The following DLC1 variants were observed in gnomAD, a reference collection of about 807,000 sequenced individuals.
DLC1 encodes DLC1 Rho GTPase activating protein.
DLC1 carries 54 observed loss-of-function variants against 140.3 expected under a neutral mutation model. The ratio of observed to expected loss-of-function variants is 0.38; its 90% CI spans 0.31 to 0.48. The LOEUF (loss-of-function observed/expected upper bound fraction) is 0.48, where lower values mean the gene tolerates loss of function less well. Among genes scored for constraint, DLC1 ranks in the 20% least tolerant of loss-of-function variants. The pLI is 0.96. For synonymous variants in DLC1, 986 were observed against 728.1 expected (o/e 1.35, Z -5.70); for missense variants, 2,536 against 1,907.0 (o/e 1.33, Z -6.14).
chr8:13,383,087 T>C (rs550956086), intron 4 of DLC1, among the ~76,000 whole-genome samples: 1 of 152,292 alleles, frequency 6.6e-6, no homozygotes, highest in East Asian at 1.9e-4. Context: ...GAAAACAAGA[T>C]GAGAAATCAT....
chr8:13,121,622 C>G (rs1263111413), intron 5 of DLC1, among the ~76,000 whole-genome samples: 2 of 152,164 alleles, frequency 1.3e-5, no homozygotes, highest in Admixed American at 6.5e-5. Context: ...GATCACAGCT[C>G]TCTGTAGCCT....
At chr8:13,133,294 C>A (rs1822280950) in intron 5 of DLC1, 8 of 1,262,944 alleles carry the variant, frequency 6.3e-6, no homozygotes, top group South Asian at 2.0e-5. Flanking sequence ...CGAACTGTCT[C>A]CCGCGCGCTC....
intron 6 of DLC1, among the ~76,000 whole-genome samples, chr8:13,113,285 G>C (rs1328270409): frequency 6.6e-6 from 1 of 152,148 alleles, no homozygotes; most frequent in Non-Finnish European, 1.5e-5. Context: ...TTAACAGGGG[G>C]ACATGTGTGG....
chr8:13,507,204 G>A (rs1280627123), intron 1 of DLC1, among the ~76,000 whole-genome samples: 1 of 152,106 alleles, frequency 6.6e-6, no homozygotes, highest in Non-Finnish European at 1.5e-5. Flanking sequence ...ACATTTGGGC[G>A]CCTTCCCACT....
chr8:13,364,026 G>A (rs1467828252), intron 4 of DLC1, among the ~76,000 whole-genome samples: 1 of 152,066 alleles, frequency 6.6e-6, no homozygotes, highest in Non-Finnish European at 1.5e-5. Context: ...GAGAGGTAGG[G>A]GTGTGTGTGT....
intron 4 of DLC1, among the ~76,000 whole-genome samples, chr8:13,365,602 A>C (rs1250596032): frequency 6.6e-6 from 1 of 152,160 alleles, no homozygotes; most frequent in Non-Finnish European, 1.5e-5. Flanking sequence ...TTAATGAAGC[A>C]CTTACAGCAC....
intron 5 of DLC1, among the ~76,000 whole-genome samples, chr8:13,169,526 C>T (rs1825317333): frequency 1.3e-5 from 2 of 152,082 alleles, no homozygotes; most frequent in Admixed American, 6.5e-5. Flanking sequence ...TAATAAAAAC[C>T]ACTATTGGTC....
chr8:13,094,602 G>T (rs999726027), intron 12 of DLC1, among the ~76,000 whole-genome samples, 157 bp downstream of exon 12: 1 of 152,056 alleles, frequency 6.6e-6, no homozygotes, highest in Admixed American at 6.5e-5. Flanking sequence ...GGAGGCAGAG[G>T]TTGCAGTGAG....
intron 1 of DLC1, among the ~76,000 whole-genome samples, chr8:13,543,178 T>G (rs1057322798): frequency 3.9e-5 from 6 of 152,168 alleles, no homozygotes; most frequent in African/African-American, 1.4e-4. Flanking sequence ...AATATTCAAT[T>G]TAAAATATTC....
intron 5 of DLC1, among the ~76,000 whole-genome samples, chr8:13,295,935 A>ATTAT (rs1456240068): frequency 1.2e-5 from 1 of 85,638 alleles, no homozygotes; most frequent in African/African-American, 4.3e-5. Flanking sequence ...ATCAGATAAG[A>ATTAT]TTCTTTGTTT....
chr8:13,213,787 GT>G (rs1335702480), intron 5 of DLC1, among the ~76,000 whole-genome samples: 103 of 143,146 alleles, frequency 7.2e-4, no homozygotes, highest in Non-Finnish European at 7.7e-4. Context: ...GTTTGTTTCC[GT>G]TTTTTTTTTT....
intron 2 of DLC1, among the ~76,000 whole-genome samples, chr8:13,463,449 T>A (rs1799769466): frequency 6.6e-6 from 1 of 152,194 alleles, no homozygotes; most frequent in African/African-American, 2.4e-5. Context: ...TACCTAAAAG[T>A]CTGATACATA....
chr8:13,109,322 C>T (rs186462066), intron 7 of DLC1, among the ~76,000 whole-genome samples: 74 of 152,168 alleles, frequency 4.9e-4, no homozygotes, highest in African/African-American at 1.2e-3. Flanking sequence ...CTTTGGGAGG[C>T]CGAGATGGAT....
At chr8:13,560,626 C>A (rs561376214) in intron 1 of DLC1, among the ~76,000 whole-genome samples, 5 of 152,160 alleles carry the variant, frequency 3.3e-5, no homozygotes, top group African/African-American at 7.2e-5. Context: ...TACTCCTCCT[C>A]CCCCACCATT....
intron 16 of DLC1, 149 bp from the exon 17 acceptor site, chr8:13,086,612 C>G (rs1817589650): frequency 1.3e-6 from 1 of 782,938 alleles, no homozygotes; most frequent in Admixed American, 2.8e-5. Context: ...ATGGCATCCT[C>G]TAAACTACTT....
At chr8:13,397,908 A>G (rs531229005) in intron 3 of DLC1, among the ~76,000 whole-genome samples, 3 of 152,128 alleles carry the variant, frequency 2.0e-5, no homozygotes, top group Non-Finnish European at 2.9e-5. Flanking sequence ...CGAGGTGAGC[A>G]GATCACGAGG....
chr8:13,402,524 T>C (rs1306857582), intron 2 of DLC1, among the ~76,000 whole-genome samples: 5 of 152,232 alleles, frequency 3.3e-5, no homozygotes, highest in Non-Finnish European at 4.4e-5. Context: ...ATGTCGCACA[T>C]GCAGTGTTGG....
At chr8:13,127,480 T>C (rs984139428) in intron 5 of DLC1, among the ~76,000 whole-genome samples, 1 of 152,252 alleles carries the variant, frequency 6.6e-6, no homozygotes, top group Admixed American at 6.5e-5. Flanking sequence ...CTTTCTGTGC[T>C]ATACAATTTG....
At chr8:13,188,715 A>C (rs142048996) in intron 5 of DLC1, among the ~76,000 whole-genome samples, 1 of 145,040 alleles carries the variant, frequency 6.9e-6, no homozygotes, top group Non-Finnish European at 1.5e-5. Flanking sequence ...AGTTCAAACA[A>C]TTCTCTTGCC....
Sources: allele counts gnomAD v4.1 joint callset (sites outside exome capture counted in the v4.1 genomes callset), GRCh38; gene constraint gnomAD v4.1.1; transcripts MANE v1.5; gene names NCBI Gene and HGNC (gene_info 2026-07-23, HGNC 2026-07-21).